Variants in CNGA3 observed in about 807,000 individuals in gnomAD.
CNGA3 encodes cyclic nucleotide-gated channel alpha-3.
Under a neutral mutation model 46.6 loss-of-function variants are expected in CNGA3, and 42 were observed. The observed-to-expected ratio is 0.90, with a 90% CI of 0.70 to 1.17. CNGA3 has a LOEUF of 1.17. Ranked by LOEUF, CNGA3 falls within the 50% of genes most tolerant of loss-of-function variation. The probability of loss-of-function intolerance (pLI) is 0.00; values close to 1 mark genes in which losing one functional copy is unlikely to be tolerated. For synonymous variants in CNGA3, 394 were observed against 369.4 expected, an observed-to-expected ratio of 1.07 and a Z score of -0.76; for missense variants, 893 against 890.7, an observed-to-expected ratio of 1.00 and a Z score of -0.03.
At chr2:98,381,696 C>A (rs923296387) in intron 4 of CNGA3, among the ~76,000 whole-genome samples, 1 of 152,236 alleles carries the variant, frequency 6.6e-6, no homozygotes, top group African/African-American at 2.4e-5. Flanking sequence ...AGTTTTCACA[C>A]GAGCTTGGAC....
intron 1 of CNGA3, among the ~76,000 whole-genome samples, chr2:98,350,220 G>A (rs1008215325): frequency 6.6e-6 from 1 of 152,166 alleles, no homozygotes; most frequent in African/African-American, 2.4e-5. Context: ...TGTATACCTT[G>A]GCAGTAGTAA....
chr2:98,396,531 A>C lies in CNGA3; in HGVS notation c.1361A>C (p.Lys454Thr). The change falls in exon 8 of 8, where the codon AAG (lysine) becomes ACG (threonine). Residue 454 changes from lysine to threonine, a missense_variant. Lys to Thr is a moderately conservative substitution (Grantham distance 78, BLOSUM62 -1). This residue lies in a region of CNGA3 where 548 missense variants were observed against 570.8 expected (regional missense o/e 0.96). Transcript: ENST00000272602. ...LWANKKTVDEKEVLKSLPDKL... is the reference protein window; with the variant it reads ...LWANKKTVDETEVLKSLPDKL... Reference sequence around the variant, plus strand: ...GCCAACAAGAAGACGGTGGATGAGAAGGAGGTGCTCAAGAGCCTCCCAGAC... The same window carrying C: ...GCCAACAAGAAGACGGTGGATGAGACGGAGGTGCTCAAGAGCCTCCCAGAC... 6.2e-7 allele frequency: 1 copy of C among 1,614,044 alleles called. No individual in the cohort carries two copies. The highest frequency in any genetic ancestry group is 8.5e-7 in the Non-Finnish European group (1 of 1,180,014).
intron 1 of CNGA3, among the ~76,000 whole-genome samples, chr2:98,368,870 C>A (rs1458876556): frequency 6.6e-6 from 1 of 152,118 alleles, no homozygotes; most frequent in African/African-American, 2.4e-5. Context: ...TGGGTGGAGG[C>A]CACAGAACTG....
chr2:98,377,980 T>G (rs1692447203), intron 3 of CNGA3, 180 bp downstream of exon 3: 1 of 1,467,168 alleles, frequency 6.8e-7, no homozygotes, highest in African/African-American at 1.4e-5. Flanking sequence ...TCAGATGTTC[T>G]GAGCTCAGAA....
intron 3 of CNGA3, among the ~76,000 whole-genome samples, chr2:98,378,788 A>G (rs1332404896): frequency 3.9e-5 from 6 of 152,230 alleles, no homozygotes. Context: ...ATCTCAGGGA[A>G]ACAGAGCCAG....
At chr2:98,381,643 CG>C (rs1203699966) in intron 4 of CNGA3, among the ~76,000 whole-genome samples, 1 of 152,070 alleles carries the variant, frequency 6.6e-6, no homozygotes, top group Non-Finnish European at 1.5e-5. Flanking sequence ...TTAGGAGACC[CG>C]GGGAAAGGTG....
At chr2:98,356,340 GTCTGAGAAGATTACT>G (rs11267820) in intron 1 of CNGA3, among the ~76,000 whole-genome samples, 34,050 of 152,008 alleles carry the variant, frequency 0.22, 4,322 homozygotes, top group Admixed American at 0.36. Context: ...CTCAGACAGA[GTCTGAGAAGATTACT>G]TCTGAGAAGT....
intron 2 of CNGA3, among the ~76,000 whole-genome samples, chr2:98,375,273 G>C (rs931200037): frequency 6.6e-6 from 1 of 152,226 alleles, no homozygotes; most frequent in Non-Finnish European, 1.5e-5. Context: ...ACCAGACTAC[G>C]CTAAAACGCT....
chr2:98,383,298 G>C (rs950073850), intron 4 of CNGA3, 90 bp from the exon 5 acceptor site: 3 of 1,207,070 alleles, frequency 2.5e-6, no homozygotes, highest in Non-Finnish European at 1.2e-6. Flanking sequence ...ATAGGGATTG[G>C]GGGGTGGGGC....
intron 3 of CNGA3, 78 bp downstream of exon 3, chr2:98,377,878 A>G: frequency 7.2e-7 from 1 of 1,396,540 alleles, no homozygotes; most frequent in African/African-American, 1.4e-5. Flanking sequence ...CTCAGGAAAA[A>G]GTGCTAGATG....
intron 1 of CNGA3, among the ~76,000 whole-genome samples, chr2:98,360,996 TTTTTATTTTATTTTA>T (rs201142770): frequency 6.6e-6 from 1 of 150,816 alleles, no homozygotes; most frequent in African/African-American, 2.4e-5. Flanking sequence ...GTTATTTTTA[TTTTTATTTTATTTTA>T]TTTTATTTTA....
chr2:98,377,691 C>A lies in CNGA3; in HGVS notation c.106C>A (p.His36Asn). The A allele has an allele frequency of 6.2e-7, 1 of 1,612,970 alleles. No individual in the cohort carries two copies. The highest frequency in any genetic ancestry group is 8.5e-7 in the Non-Finnish European group (1 of 1,179,808). ...GCTGCATATCTGATTTCCTAGAGCC[C>A]ACTCGTCAAGTGAGGAGACATCGTC... ...NRAENGLSRA[H>N]SSSEETSSVL... Residue 36 changes from histidine to asparagine, a missense_variant, in exon 3 of 8, where the codon CAC becomes AAC. By Grantham distance (68) the His-to-Asn change is moderately conservative (BLOSUM62 1). Around this residue, in one of 3 missense-constraint regions of CNGA3, gnomAD observed 333 missense variants for 290.8 expected, o/e 1.15. Coordinates refer to ENST00000272602, the MANE Select transcript of CNGA3 (RefSeq NM_001298.3).
chr2:98,389,813 AACCAGGGC>A, intron 6 of CNGA3, 39 bp downstream of exon 6: 1 of 1,555,708 alleles, frequency 6.4e-7, no homozygotes, highest in African/African-American at 1.4e-5. Flanking sequence ...GAAAGGGGGA[AACCAGGGC>A]ACCAGGCCCA....
chr2:98,355,437 G>A (rs1445133697), intron 1 of CNGA3, among the ~76,000 whole-genome samples: 2 of 152,232 alleles, frequency 1.3e-5, no homozygotes, highest in East Asian at 3.9e-4. Flanking sequence ...TTTGCATATA[G>A]TGTTTTGCTC....
At chr2:98,392,574 A>AAAAAAGAAAAG (rs1170516109) in intron 7 of CNGA3, among the ~76,000 whole-genome samples, 1 of 143,332 alleles carries the variant, frequency 7.0e-6, no homozygotes, top group African/African-American at 3.0e-5. Context: ...AAAAGAAAAA[A>AAAAAAGAAAAG]AAAAGAAAAG....
At chr2:98,380,664 C>T (rs1384402557) in intron 4 of CNGA3, among the ~76,000 whole-genome samples, 2 of 152,136 alleles carry the variant, frequency 1.3e-5, no homozygotes, top group African/African-American at 2.4e-5. Context: ...AGAAACTCAT[C>T]GGGGGATGCT....
At chr2:98,367,654 G>T (rs770611884) in intron 1 of CNGA3, among the ~76,000 whole-genome samples, 2 of 151,948 alleles carry the variant, frequency 1.3e-5, no homozygotes, top group Non-Finnish European at 2.9e-5. Flanking sequence ...GTCTCAATGG[G>T]CAGGCAACAC....
At chr2:98,355,617 G>T (rs1319852767) in intron 1 of CNGA3, among the ~76,000 whole-genome samples, 3 of 152,132 alleles carry the variant, frequency 2.0e-5, no homozygotes, top group Non-Finnish European at 4.4e-5. Flanking sequence ...CATGTCTTCT[G>T]TACCAAACTT....
intron 4 of CNGA3, 148 bp from the exon 5 acceptor site, chr2:98,383,240 C>G (rs763292577): frequency 1.3e-6 from 1 of 776,234 alleles, no homozygotes; most frequent in Non-Finnish European, 2.2e-6. Context: ...CTTGACAATA[C>G]CACCCCGTAT....
Sources: allele counts gnomAD v4.1 joint callset (sites outside exome capture counted in the v4.1 genomes callset), GRCh38; gene constraint gnomAD v4.1.1; regional missense constraint gnomAD v4.1.1; transcripts MANE v1.5; gene names NCBI Gene and HGNC (gene_info 2026-07-23, HGNC 2026-07-21).